Variants in ADAP1 observed in about 807,000 individuals in gnomAD.
ADAP1 encodes ArfGAP with dual PH domains 1.
ADAP1 carries 31 observed loss-of-function variants against 54.9 expected under a neutral mutation model. The observed-to-expected ratio is 0.56, with a 90% confidence interval of 0.42 to 0.76. The LOEUF is 0.76. Ranked by LOEUF, ADAP1 falls within the 30% of genes least tolerant of loss-of-function variation. ADAP1 has a pLI of 0.00. For missense variants in ADAP1, 535 were observed against 512.4 expected, an observed-to-expected ratio of 1.04 and a Z score of -0.42; for synonymous variants, 313 against 202.6, an observed-to-expected ratio of 1.55 and a Z score of -4.63.
intron 4 of ADAP1, among the ~76,000 whole-genome samples, chr7:909,281 G>GGACGCCGCATT (rs1562917995): frequency 7.3e-5 from 3 of 41,032 alleles, no homozygotes; most frequent in African/African-American, 4.4e-4. Context: ...GCAGGCGCCA[G>GGACGCCGCATT]CGGGAACCCC....
intron 2 of ADAP1, among the ~76,000 whole-genome samples, chr7:930,677 G>A (rs1208602920): frequency 6.6e-6 from 1 of 151,958 alleles, no homozygotes; most frequent in Non-Finnish European, 1.5e-5. Flanking sequence ...AAATTAGCTG[G>A]GCATGGTGGC....
intron 2 of ADAP1, among the ~76,000 whole-genome samples, chr7:933,430 G>T (rs1846645944): frequency 6.6e-6 from 1 of 152,098 alleles, no homozygotes; most frequent in Non-Finnish European, 1.5e-5. Context: ...AAGGCTGCCT[G>T]TTAGAAGCAA....
intron 4 of ADAP1, among the ~76,000 whole-genome samples, chr7:910,187 G>T (rs575418679): frequency 6.6e-6 from 1 of 152,238 alleles, no homozygotes; most frequent in South Asian, 2.1e-4. Context: ...ACAGTGAAGC[G>T]CGCACATCAC....
At chr7:904,919 C>A (rs1277623300) in intron 5 of ADAP1, 141 bp downstream of exon 5, 8 of 729,266 alleles carry the variant, frequency 1.1e-5, no homozygotes, top group African/African-American at 1.7e-5. Flanking sequence ...CCAACACAGG[C>A]CGGTTCTCCT....
chr7:914,133 G>A (rs1845835258), intron 4 of ADAP1, among the ~76,000 whole-genome samples: 1 of 152,200 alleles, frequency 6.6e-6, no homozygotes, highest in Non-Finnish European at 1.5e-5. Flanking sequence ...TGTGGGCACT[G>A]GGCGTGGCAC....
rs116903422 is a variant in ADAP1, at chr7:917,711, G to T, written c.388+2257C>A. On this transcript the variant is annotated intron_variant, in intron 4 of 10. Coordinates refer to ENST00000265846, the MANE Select transcript of ADAP1 (RefSeq NM_006869.4). ...ACTCGTGGTCTCAAGTGATCCATCC[G>T]CCCGCCTAGGCCTCCCAAGGTGCTT... Among the ~76,000 whole-genome samples, 4 of 152,216 alleles carry T rather than the reference G, an allele frequency of 2.6e-5. No homozygotes were observed. In the East Asian group the frequency reaches 7.7e-4, roughly 29 times the overall value.
chr7:948,810 C>T (rs1847202564), intron 1 of ADAP1, among the ~76,000 whole-genome samples: 1 of 152,214 alleles, frequency 6.6e-6, no homozygotes, highest in Admixed American at 6.5e-5. Flanking sequence ...GATTCTCCCA[C>T]CTCAACCTCC....
intron 1 of ADAP1, 37 bp downstream of exon 1, chr7:954,348 GCCCACCCCGGA>G (rs1847337268): frequency 1.1e-6 from 1 of 951,414 alleles, no homozygotes; most frequent in Non-Finnish European, 1.3e-6. Flanking sequence ...GGCACCCCGC[GCCCACCCCGGA>G]CCCACCCGGC....
At chr7:950,350 G>A (rs77992257) in intron 1 of ADAP1, among the ~76,000 whole-genome samples, 3,445 of 152,270 alleles carry the variant, frequency 0.023, 131 homozygotes, top group East Asian at 0.2. Context: ...GCCGGGCATG[G>A]CAGCGTGCAC....
chr7:920,085 AGGC>A lies in ADAP1; in HGVS notation c.306-38_306-36del. ...GAGGAGAGACTGAGCCACTGGGCCA[AGGC>A]GGCCTCCGACCCAGCACACGCCGCT... On this transcript the variant is annotated intron_variant, in intron 3 of 10. Coordinates refer to ENST00000265846, the MANE Select transcript of ADAP1 (RefSeq NM_006869.4). This position sits in a 1 kb window ranked among gnomAD's most constrained non-coding sequence, Gnocchi z 4.5. 1 of 1,592,250 alleles carries A rather than the reference AGGC, an allele frequency of 6.3e-7. No homozygotes were observed. Among genetic ancestry groups the A allele is most frequent in the Non-Finnish European group, 8.5e-7 (1 of 1,172,524 alleles).
At chr7:936,716 T>A (rs1259168456) in intron 1 of ADAP1, among the ~76,000 whole-genome samples, 1 of 151,956 alleles carries the variant, frequency 6.6e-6, no homozygotes, top group Non-Finnish European at 1.5e-5. Context: ...GGGAGATGAG[T>A]CATCTCTGAA....
In ADAP1 at chr7:899,017, C is replaced by T. The variant is rs539051535; in HGVS notation, c.1096+16G>A. ...CTGGGAGCCCTTCCAGGCCGCCGGCCGCCCGCCCCCCTCACCTGCGTACTC... is the reference window on the plus strand; with the variant it reads ...CTGGGAGCCCTTCCAGGCCGCCGGCTGCCCGCCCCCCTCACCTGCGTACTC... On this transcript the variant is annotated intron_variant, in intron 10 of 10. Coordinates refer to ENST00000265846, the MANE Select transcript of ADAP1 (RefSeq NM_006869.4). 1.7e-5 allele frequency: 27 copies of T among 1,609,618 alleles called. 1 individual carries two copies. The highest frequency in any genetic ancestry group is 1.7e-4 in the Middle Eastern group (1 of 6,058).
Position 904,922 on chromosome 7 carries a change from G to A in ADAP1, c.501+138C>T, listed in dbSNP as rs1214354874. On this transcript the variant is annotated intron_variant, in intron 5 of 10. Coordinates refer to ENST00000265846, the MANE Select transcript of ADAP1 (RefSeq NM_006869.4). ...CAGAGGCTCAGCCCAACACAGGCCGGTTCTCCTGGAGCGTCCCCATCGGGG... is the reference window on the plus strand; with the variant it reads ...CAGAGGCTCAGCCCAACACAGGCCGATTCTCCTGGAGCGTCCCCATCGGGG... 6 of 746,278 alleles carry A rather than the reference G, an allele frequency of 8.0e-6. No homozygotes were observed. In the Admixed American group the frequency reaches 1.1e-4, roughly 13 times the overall value. 46.2% of individuals were successfully genotyped at this position (746,278 alleles called of 1,614,324 possible).
rs1283888042 is a variant in ADAP1, at chr7:899,133, G to A, written c.996C>T (p.Arg332=). The A allele has an allele frequency of 1.2e-6, 2 of 1,610,010 alleles. No individual in the cohort carries two copies. The highest frequency in any genetic ancestry group is 1.7e-5 in the Admixed American group (1 of 60,036). ...PHGITIVTPD[R]KFLFACETES... is the part of the protein sequence containing the mutation. The stretch of plus-strand genomic sequence containing the variant: ...CCGTCTCGCAGGCAAACAGAAACTT[G>A]CGGTCGGGCGTGACGATGGTGATGC... The change falls in exon 10 of 11, where the codon CGC becomes CGT. Residue 332 remains arginine, a synonymous_variant. Transcript: ENST00000265846.
intron 6 of ADAP1, among the ~76,000 whole-genome samples, chr7:903,782 T>C (rs1844942384): frequency 6.6e-6 from 1 of 152,128 alleles, no homozygotes; most frequent in South Asian, 2.1e-4. Context: ...CTCTGGGCAT[T>C]GTGGGGGCGG....
chr7:900,505 T>G, intron 7 of ADAP1, 28 bp downstream of exon 7: 52 of 1,260,850 alleles, frequency 4.1e-5, no homozygotes, highest in Non-Finnish European at 5.0e-5. Context: ...CTGTCTGCCC[T>G]GGAGCTGACC....
At chr7:952,329 G>C (rs540657124) in intron 1 of ADAP1, among the ~76,000 whole-genome samples, 3 of 152,262 alleles carry the variant, frequency 2.0e-5, no homozygotes, top group East Asian at 3.9e-4. Flanking sequence ...GGTGGTCTGG[G>C]ACTGTCTGAT....
At chr7:900,487 C>T in intron 7 of ADAP1, 46 bp downstream of exon 7, 2 of 1,403,446 alleles carry the variant, frequency 1.4e-6, no homozygotes, top group East Asian at 2.4e-5. Flanking sequence ...CCCCCCACCC[C>T]ACCACCCCTG....
At chr7:952,338 A>G (rs1847292204) in intron 1 of ADAP1, among the ~76,000 whole-genome samples, 1 of 152,014 alleles carries the variant, frequency 6.6e-6, no homozygotes, top group Non-Finnish European at 1.5e-5. Flanking sequence ...GGACTGTCTG[A>G]TGTCCTGCTG....
Sources: allele counts gnomAD v4.1 joint callset (sites outside exome capture counted in the v4.1 genomes callset), GRCh38; gene constraint gnomAD v4.1.1; non-coding constraint Gnocchi (gnomAD v3.1); transcripts MANE v1.5; gene names NCBI Gene and HGNC (gene_info 2026-07-23, HGNC 2026-07-21).